ARHGEF3: variants seen among roughly 807,000 people sequenced by gnomAD.
The protein encoded by ARHGEF3 is Rho guanine nucleotide exchange factor 3, also known as 59.8 kDA protein.
ARHGEF3 carries 28 observed loss-of-function variants against 63.2 expected under a neutral mutation model. The ratio of observed to expected loss-of-function variants is 0.44; its 90% CI spans 0.33 to 0.61. The LOEUF is 0.61. Among genes scored for constraint, ARHGEF3 ranks in the 20% least tolerant of loss-of-function variants. ARHGEF3 has a pLI of 0.03. For synonymous variants in ARHGEF3, 266 were observed against 254.2 expected (o/e 1.05, Z -0.44); for missense variants, 533 against 659.3 (o/e 0.81, Z 2.10).
At chr3:56,864,733 A>G (rs1253200693) in intron 4 of ARHGEF3, among the ~76,000 whole-genome samples, 3 of 152,228 alleles carry the variant, frequency 2.0e-5, no homozygotes, top group Non-Finnish European at 4.4e-5. Flanking sequence ...CAAGGACCTT[A>G]CAGTTTAGAA....
chr3:57,041,898 C>T (rs562387802), intron 1 of ARHGEF3, among the ~76,000 whole-genome samples: 4 of 152,324 alleles, frequency 2.6e-5, no homozygotes, highest in Admixed American at 1.3e-4. Flanking sequence ...GATGACCTCA[C>T]CTCCCCAGTG....
chr3:56,815,719 G>A lies in ARHGEF3; in HGVS notation c.193-41903C>T, dbSNP rs573619835. Among the ~76,000 whole-genome samples, 4 of 152,306 alleles carry A rather than the reference G, an allele frequency of 2.6e-5. No individual in the cohort carries two copies. In the South Asian group the frequency reaches 8.3e-4, roughly 32 times the overall value. On this transcript the variant is annotated intron_variant, in intron 4 of 12. Transcript: ENST00000338458. ...AGGTACTCGGTTACATAGTGCCTGTGTTATCTTTACAACAGCATTTGGTTC... is the reference window on the plus strand; with the variant it reads ...AGGTACTCGGTTACATAGTGCCTGTATTATCTTTACAACAGCATTTGGTTC...
intron 1 of ARHGEF3, among the ~76,000 whole-genome samples, chr3:57,069,483 A>G (rs1447605042): frequency 3.9e-5 from 6 of 152,142 alleles, no homozygotes; most frequent in Non-Finnish European, 5.9e-5. Context: ...TTTCAAATGT[A>G]GTTTCCCAGG....
intron 1 of ARHGEF3, among the ~76,000 whole-genome samples, chr3:57,063,820 G>A (rs1004809819): frequency 6.6e-6 from 1 of 152,222 alleles, no homozygotes; most frequent in African/African-American, 2.4e-5. Flanking sequence ...TGGAAGCCAA[G>A]CCTGCCTGAA....
intron 3 of ARHGEF3, among the ~76,000 whole-genome samples, chr3:56,886,072 A>G (rs941174133): frequency 2.6e-5 from 4 of 152,254 alleles, no homozygotes; most frequent in Admixed American, 6.5e-5. Flanking sequence ...AATAAAACAA[A>G]GTAATTACAG....
At chr3:56,771,272 T>C (rs997026201) in intron 2 of ARHGEF3, among the ~76,000 whole-genome samples, 6 of 152,188 alleles carry the variant, frequency 3.9e-5, no homozygotes, top group African/African-American at 1.4e-4. Context: ...TCTAGTTCTC[T>C]AGGTCAATGT....
At chr3:56,985,772 C>T (rs374265882) in intron 2 of ARHGEF3, among the ~76,000 whole-genome samples, 1 of 152,034 alleles carries the variant, frequency 6.6e-6, no homozygotes, top group African/African-American at 2.4e-5. Context: ...CCAGAATGAA[C>T]AAGCAGGTGA....
chr3:56,862,299 C>A (rs1279557990), intron 4 of ARHGEF3, among the ~76,000 whole-genome samples: 1 of 152,166 alleles, frequency 6.6e-6, no homozygotes, highest in Non-Finnish European at 1.5e-5. Flanking sequence ...CCAATGCCTA[C>A]TGGTTCAGCA....
At chr3:57,070,180 C>T (rs1705807243) in intron 1 of ARHGEF3, among the ~76,000 whole-genome samples, 1 of 152,150 alleles carries the variant, frequency 6.6e-6, no homozygotes, top group Non-Finnish European at 1.5e-5. Context: ...CCAGTTCCCA[C>T]CACACTTCTC....
chr3:56,885,083 T>G (rs2040876127), intron 3 of ARHGEF3, among the ~76,000 whole-genome samples: 1 of 152,172 alleles, frequency 6.6e-6, no homozygotes, highest in African/African-American at 2.4e-5. Flanking sequence ...TGAGAAGGAC[T>G]GCACAGCATA....
At chr3:56,985,481 T>C (rs1263878313) in intron 2 of ARHGEF3, among the ~76,000 whole-genome samples, 1 of 152,210 alleles carries the variant, frequency 6.6e-6, no homozygotes, top group Non-Finnish European at 1.5e-5. Flanking sequence ...CAGAATAGCA[T>C]TGCACTCGCT....
intron 1 of ARHGEF3, among the ~76,000 whole-genome samples, chr3:57,040,033 T>C (rs1449098132): frequency 2.0e-5 from 3 of 152,060 alleles, no homozygotes; most frequent in Non-Finnish European, 2.9e-5. Flanking sequence ...TTATCAACAA[T>C]AGAATGAATG....
intron 1 of ARHGEF3, among the ~76,000 whole-genome samples, chr3:57,057,552 T>C (rs1704998233): frequency 6.6e-6 from 1 of 152,132 alleles, no homozygotes; most frequent in African/African-American, 2.4e-5. Context: ...GAGCCGGTCT[T>C]AGCCACCAAG....
chr3:56,758,201 A>G (rs1490210464), intron 2 of ARHGEF3, among the ~76,000 whole-genome samples: 4 of 151,558 alleles, frequency 2.6e-5, no homozygotes, highest in Non-Finnish European at 5.9e-5. Context: ...GAATTGCTTG[A>G]ACCCGTGAAG....
In ARHGEF3 at chr3:57,058,082, C is replaced by T. The variant is rs367799365; in HGVS notation, c.-28+21144G>A. On this transcript the variant is annotated intron_variant, in intron 1 of 12. Coordinates refer to the ARHGEF3 transcript ENST00000338458. The stretch of plus-strand genomic sequence containing the variant: ...TGCCATGGCCACATTCACCAAAAGC[C>T]GACTGTAAAGGAAGGGAGGGTTACC... Among the ~76,000 whole-genome samples the T allele has an allele frequency of 8.5e-5, 13 of 152,244 alleles. No homozygotes were observed. In the South Asian group the frequency reaches 2.5e-3, roughly 29 times the overall value.
chr3:57,035,053 A>G, intron 2 of ARHGEF3: 1 of 1,495,476 alleles, frequency 6.7e-7, no homozygotes, highest in South Asian at 1.3e-5. Flanking sequence ...GAATTTTAAA[A>G]TTTTTAATTA....
chr3:56,979,536 A>C (rs116203874), intron 2 of ARHGEF3, among the ~76,000 whole-genome samples: 124 of 152,330 alleles, frequency 8.1e-4, no homozygotes, highest in African/African-American at 2.7e-3. Flanking sequence ...GAGACAAGGC[A>C]CAGGCCCAGG....
chr3:57,011,115 G>A (rs1474029924), intron 2 of ARHGEF3, among the ~76,000 whole-genome samples: 7 of 152,162 alleles, frequency 4.6e-5, no homozygotes, highest in Admixed American at 3.9e-4. Context: ...ACATGCAACC[G>A]GCGAGGGAAA....
intron 4 of ARHGEF3, among the ~76,000 whole-genome samples, chr3:56,840,509 A>G (rs924662157): frequency 3.9e-5 from 6 of 152,228 alleles, no homozygotes; most frequent in Non-Finnish European, 7.3e-5. Context: ...CCTGAGCCAC[A>G]GTTCATTGTT....
Sources: allele counts gnomAD v4.1 joint callset (sites outside exome capture counted in the v4.1 genomes callset), GRCh38; gene constraint gnomAD v4.1.1; transcripts MANE v1.5; gene names NCBI Gene and HGNC (gene_info 2026-07-23, HGNC 2026-07-21).